TENM2: variants seen among roughly 807,000 people sequenced by gnomAD.
TENM2 encodes the protein teneurin-2.
In TENM2, 52 loss-of-function variants were observed where a neutral mutation model predicts 245.2. The ratio of observed to expected loss-of-function variants is 0.21; its 90% CI spans 0.17 to 0.27. TENM2 has a LOEUF of 0.27. Ranked by LOEUF, TENM2 falls within the 10% of genes least tolerant of loss-of-function variation. The probability of loss-of-function intolerance (pLI) is 1.00; values close to 1 mark genes in which losing one functional copy is unlikely to be tolerated. For synonymous variants in TENM2, 1,363 were observed against 1,438.9 expected (o/e 0.95, Z 1.19); for missense variants, 3,046 against 3,666.8 (o/e 0.83, Z 4.37).
chr5:167,583,510 A>ACACACACACC (rs777180325), intron 2 of TENM2, among the ~76,000 whole-genome samples: 69 of 150,006 alleles, frequency 4.6e-4, no homozygotes, highest in African/African-American at 9.6e-4. Flanking sequence ...ACACACACAC[A>ACACACACACC]CCCCAAACCT....
At position 167,971,466 on chromosome 5, in the gene TENM2, C is replaced by T. The variant is rs529752495; in HGVS notation, c.947+18644C>T. ...CTGTAATCCCAGAACTTTGGGAGGC[C>T]GAGGCAGGTGGATCACTTGAGGTCA... On this transcript the variant is annotated intron_variant, in intron 4 of 28. Transcript: ENST00000518659. 1.6e-4 allele frequency among the ~76,000 whole-genome samples: 25 copies of T among 152,088 alleles called. No individual in the cohort carries two copies. The East Asian group carries it at 3.9e-3, about 24-fold the overall frequency.
chr5:167,352,260 A>G (rs1287613471), intron 1 of TENM2, among the ~76,000 whole-genome samples: 3 of 152,136 alleles, frequency 2.0e-5, no homozygotes, highest in African/African-American at 4.8e-5. Context: ...ACAGGCCCCC[A>G]CTGTTCCTTA....
chr5:168,218,077 T>C lies in TENM2; in HGVS notation c.4234-48T>C, dbSNP rs1275028308. 1 of 1,576,052 alleles carries C rather than the reference T, an allele frequency of 6.3e-7. No individual in the cohort carries two copies. Among genetic ancestry groups the C allele is most frequent in the East Asian group, 2.3e-5 (1 of 44,386 alleles). On this transcript the variant is annotated intron_variant, in intron 22 of 28. Transcript: ENST00000518659. This position sits in a 1 kb window ranked among gnomAD's most constrained non-coding sequence, Gnocchi z 5.2. ...CAGTAAGTGCCGTACGGTTAAACGT[T>C]GGACATATTAAAGGCTGTTCTTTAA... is the stretch of plus-strand genomic sequence containing the variant.
At chr5:167,118,431 C>A in the TENM2 span, among the ~76,000 whole-genome samples, 40 of 152,234 alleles carry the variant, frequency 2.6e-4, no homozygotes, top group East Asian at 7.7e-3. Flanking sequence ...TCTAAAGTGG[C>A]AGAGAACAGA....
At chr5:167,601,231 C>T (rs1416582030) in intron 2 of TENM2, among the ~76,000 whole-genome samples, 3 of 152,358 alleles carry the variant, frequency 2.0e-5, no homozygotes, top group South Asian at 2.1e-4. Context: ...TTCAATAGAA[C>T]GTCCTGTCGC....
chr5:167,445,878 G>T (rs1765178370), intron 2 of TENM2, among the ~76,000 whole-genome samples: 1 of 152,120 alleles, frequency 6.6e-6, no homozygotes, highest in Non-Finnish European at 1.5e-5. Context: ...TAGGACTCTT[G>T]ACCACAGTCT....
intron 2 of TENM2, among the ~76,000 whole-genome samples, chr5:167,692,511 G>T (rs1757497814): frequency 6.6e-6 from 1 of 152,168 alleles, no homozygotes; most frequent in Admixed American, 6.5e-5. Flanking sequence ...ACTCCCACAG[G>T]AAATGTTACT....
At chr5:167,814,453 C>CAAAAAAA (rs11324953) in intron 2 of TENM2, among the ~76,000 whole-genome samples, 1 of 83,870 alleles carries the variant, frequency 1.2e-5, no homozygotes, top group South Asian at 4.0e-4. Flanking sequence ...CACTCCGATT[C>CAAAAAAA]AAAAAAAAAA....
At chr5:167,008,949 T>TA in the TENM2 span, among the ~76,000 whole-genome samples, 1 of 152,156 alleles carries the variant, frequency 6.6e-6, no homozygotes, top group Non-Finnish European at 1.5e-5. Context: ...ATGTCCCACT[T>TA]ACAGCTTTGT....
At chr5:168,169,883 G>A (rs898568569) in intron 13 of TENM2, among the ~76,000 whole-genome samples, 1 of 152,222 alleles carries the variant, frequency 6.6e-6, no homozygotes, top group African/African-American at 2.4e-5. Flanking sequence ...CAAAGACCTT[G>A]TGGCAAATGT....
rs748116761 is a variant in TENM2 at position 168,080,737 on chromosome 5, G to A, written c.1516-9837G>A. Reference sequence around the variant, plus strand: ...TTGTTCAGTTTCCATGTAGTTGAGCGATTCTGAGTGAGTTTCTTAATCCTG... The same window carrying A: ...TTGTTCAGTTTCCATGTAGTTGAGCAATTCTGAGTGAGTTTCTTAATCCTG... On this transcript the variant is annotated intron_variant, in intron 7 of 28. Coordinates refer to ENST00000518659, the Ensembl canonical transcript of TENM2. Among the ~76,000 whole-genome samples, 13 of 152,256 alleles carry A rather than the reference G, an allele frequency of 8.5e-5. 1 individual carries two copies. The highest frequency in any genetic ancestry group is 2.9e-4 in the African/African-American group (12 of 41,550).
At chr5:167,976,879 T>C (rs1026944154) in intron 4 of TENM2, among the ~76,000 whole-genome samples, 2 of 152,212 alleles carry the variant, frequency 1.3e-5, no homozygotes, top group Admixed American at 1.3e-4. Context: ...TGTATGTTCA[T>C]TGCAGCACTA....
At position 167,876,214 on chromosome 5, in the gene TENM2, G is replaced by A; in HGVS notation, c.712+19G>A. 2.6e-6 allele frequency: 4 copies of A among 1,530,442 alleles called. No individual in the cohort carries two copies. The highest frequency in any genetic ancestry group is 2.5e-5 in the East Asian group (1 of 40,782). 94.8% of individuals were successfully genotyped at this position (1,530,442 alleles called of 1,614,324 possible). ...AGCAGTGGTAAGGAAACTCCGTGGT[G>A]TCTGAATGTGTGGTGTTTCGTGAGT... On this transcript the variant is annotated intron_variant, in intron 3 of 28. Coordinates refer to ENST00000518659, the Ensembl canonical transcript of TENM2.
At chr5:168,181,669 C>CTTTTTTT (rs36042366) in intron 13 of TENM2, among the ~76,000 whole-genome samples, 2 of 78,864 alleles carry the variant, frequency 2.5e-5, no homozygotes, top group African/African-American at 5.0e-5. Flanking sequence ...AGTTTTACTT[C>CTTTTTTT]TTTTTTTTTT....
intron 2 of TENM2, among the ~76,000 whole-genome samples, chr5:167,640,125 A>G (rs1229937437): frequency 1.3e-5 from 2 of 152,162 alleles, no homozygotes; most frequent in African/African-American, 2.4e-5. Context: ...ATGTTTACAC[A>G]CAATATGTAC....
the TENM2 span, among the ~76,000 whole-genome samples, chr5:167,052,321 T>TG: frequency 6.6e-6 from 1 of 152,062 alleles, no homozygotes. Context: ...ATATTCAGCC[T>TG]GAAAAAAAGG....
At chr5:167,832,868 T>TGTAGATAG (rs145887834) in intron 2 of TENM2, among the ~76,000 whole-genome samples, 19,325 of 152,136 alleles carry the variant, frequency 0.13, 2,374 homozygotes, top group East Asian at 0.54. Context: ...AACTTACAAT[T>TGTAGATAG]GTAGATAGTG....
At chr5:167,025,576 C>T in the TENM2 span, among the ~76,000 whole-genome samples, 2 of 152,114 alleles carry the variant, frequency 1.3e-5, no homozygotes, top group South Asian at 4.1e-4. Flanking sequence ...CCCTGTTGGG[C>T]AGGGAAACAC....
chr5:167,051,965 G>GT, the TENM2 span, among the ~76,000 whole-genome samples: 19 of 152,186 alleles, frequency 1.2e-4, no homozygotes, highest in African/African-American at 4.6e-4. Flanking sequence ...TCTCTTTGCA[G>GT]TTTTTTCTTT....
Sources: gnomAD v4.1 joint callset for allele counts (sites outside exome capture counted in the v4.1 genomes callset) on GRCh38, gnomAD v4.1.1 for gene constraint, Gnocchi (gnomAD v3.1) non-coding constraint, MANE v1.5 for transcripts, NCBI Gene and HGNC (gene_info 2026-07-23, HGNC 2026-07-21) for gene names.